The following KIF2B variants were observed in gnomAD, a reference collection of about 807,000 sequenced individuals.
The protein encoded by KIF2B is kinesin-like protein KIF2B.
A neutral mutation model predicts 6.8 loss-of-function variants in KIF2B; 5 were observed. That is an observed-to-expected ratio of 0.74 (90% CI 0.39 to 1.55). The LOEUF is 1.55. Ranked by LOEUF, KIF2B falls within the 40% of genes most tolerant of loss-of-function variation. KIF2B has a pLI of 0.03. For missense variants in KIF2B, 908 were observed against 831.3 expected (o/e 1.09, Z -1.13); for synonymous variants, 370 against 330.7 (o/e 1.12, Z -1.29).
At position 53,825,129 on chromosome 17, in the gene KIF2B, C is replaced by A; in HGVS notation, c.*74C>A. The stretch of plus-strand genomic sequence containing the variant: ...CACCACTCTTATACAGGAAAACTGT[C>A]CAAATTATCTAAAGATCCTCCTGAG... On this transcript the variant is annotated 3_prime_UTR_variant, in exon 1 of 1. Transcript: ENST00000268919. 1.3e-6 allele frequency: 1 copy of A among 772,348 alleles called. No homozygotes were observed. Among genetic ancestry groups the A allele is most frequent in the South Asian group, 1.9e-5 (1 of 52,476 alleles). 47.8% of individuals were successfully genotyped at this position (772,348 alleles called of 1,614,324 possible).
rs1316433940 is a variant in KIF2B at position 53,824,550 on chromosome 17, C to A, written c.1517C>A (p.Ser506Tyr). The change falls in exon 1 of 1, where the codon TCC becomes TAC. Residue 506 changes from serine to tyrosine, a missense_variant. Transcript: ENST00000268919. ...AAACTCACACTGGTGCTCCGGGACT[C>A]CTTTATAGGCCAGAACTCCTCCACT... Reference protein sequence around the residue: ...ASKLTLVLRDSFIGQNSSTCM... With the variant: ...ASKLTLVLRDYFIGQNSSTCM... 3.7e-6 allele frequency: 6 copies of A among 1,614,008 alleles called. No individual in the cohort carries two copies. The African/African-American group carries it at 8.0e-5, about 22-fold the overall frequency.
rs1906440315 is a variant in KIF2B at position 53,823,021 on chromosome 17, T to A, written c.-13T>A. 1 of 1,609,930 alleles carries A rather than the reference T, an allele frequency of 6.2e-7. No homozygotes were observed. Among genetic ancestry groups the A allele is most frequent in the Non-Finnish European group, 8.5e-7 (1 of 1,177,466 alleles). On this transcript the variant is annotated 5_prime_UTR_variant, in exon 1 of 1. Transcript: ENST00000268919. ...GGGCCCTGGAGCGCTCCCTGATACC[T>A]CCATCACTCACCATGGCCAGCCAGT...
rs1161757640 is a variant in KIF2B, at chr17:53,824,513, T to C, written c.1480T>C (p.Phe494Leu). The stretch of plus-strand genomic sequence containing the variant: ...GGGTCAGAACAAGCCTCACACCCCA[T>C]TCAGAGCCAGCAAACTCACACTGGT... ...ALGQNKPHTPFRASKLTLVLR... is the reference protein window; with the variant it reads ...ALGQNKPHTPLRASKLTLVLR... The change falls in exon 1 of 1, where the codon TTC (phenylalanine) becomes CTC (leucine). Residue 494 changes from phenylalanine to leucine, a missense_variant. Coordinates refer to ENST00000268919, the MANE Select transcript of KIF2B (RefSeq NM_032559.5). The C allele has an allele frequency of 6.2e-7, 1 of 1,614,082 alleles. No individual in the cohort carries two copies. The highest frequency in any genetic ancestry group is 1.1e-5 in the South Asian group (1 of 91,058).
chr17:53,824,368 C>T lies in KIF2B; in HGVS notation c.1335C>T (p.Leu445=), dbSNP rs115731857. ...GGATAATGCATGGCAAGTTTTCCCT[C>T]GTTGATTTAGCTGGGAATGAAAGAG... The part of the protein sequence containing the change: ...SGRIMHGKFS[L]VDLAGNERGA... The change falls in exon 1 of 1, where the codon CTC becomes CTT. Residue 445 remains leucine (L), a synonymous_variant. Coordinates refer to ENST00000268919, the MANE Select transcript of KIF2B (RefSeq NM_032559.5). 2,033 of 1,614,084 alleles carry T rather than the reference C, an allele frequency of 1.3e-3. 17 individuals are homozygous for T. In the African/African-American group the frequency reaches 0.022, roughly 18 times the overall value.
In KIF2B at chr17:53,824,300, T is replaced by A; in HGVS notation, c.1267T>A (p.Ser423Thr). ...GCAAACACCTGTCAACGCTCACTCA[T>A]CCAGGAGCCATGCAGTGTTCCAGAT... is the stretch of plus-strand genomic sequence containing the variant. ...SRQTPVNAHS[S>T]RSHAVFQIIL... Residue 423 changes from serine (S) to threonine (T), a missense_variant, in exon 1 of 1, where the codon TCC becomes ACC. Coordinates refer to ENST00000268919, the MANE Select transcript of KIF2B (RefSeq NM_032559.5). 1 of 1,614,024 alleles carries A rather than the reference T, an allele frequency of 6.2e-7. No individual in the cohort carries two copies. Among genetic ancestry groups the A allele is most frequent in the Non-Finnish European group, 8.5e-7 (1 of 1,180,006 alleles).
chr17:53,823,319 T>C lies in KIF2B; in HGVS notation c.286T>C (p.Ser96Pro), dbSNP rs1906453093. 6.2e-7 allele frequency: 1 copy of C among 1,613,998 alleles called. No homozygotes were observed. Among genetic ancestry groups the C allele is most frequent in the Non-Finnish European group, 8.5e-7 (1 of 1,180,000 alleles). ...ACACCCCATGCCGCCCCCGCCCTTA[T>C]CCCCCTTGGCTCTGGCGCCCTCTTC... ...AEHPMPPPPL[S>P]PLALAPSSAI... Residue 96 changes from serine to proline, a missense_variant, in exon 1 of 1, where the codon TCC (serine) becomes CCC (proline). By Grantham distance (74) the Ser-to-Pro change is moderately conservative. Transcript: ENST00000268919.
chr17:53,825,079 C>A lies in KIF2B; in HGVS notation c.*24C>A, dbSNP rs373794348. The A allele has an allele frequency of 6.5e-7, 1 of 1,530,890 alleles. No homozygotes were observed. The highest frequency in any genetic ancestry group is 8.9e-7 in the Non-Finnish European group (1 of 1,123,432). The allele number at this position is 1,530,890 out of a possible 1,614,324, so 94.8% of individuals were successfully genotyped here. A position where few individuals can be genotyped will look rare whatever the true frequency, so the allele number is the denominator to read the frequency against. On this transcript the variant is annotated 3_prime_UTR_variant, in exon 1 of 1. Coordinates refer to ENST00000268919, the MANE Select transcript of KIF2B (RefSeq NM_032559.5). ...GAAGCCAATGGCGAGAGATCAGGTCCGAAATGCTGCATTGCTGCAGTTTCC... is the reference window on the plus strand; with the variant it reads ...GAAGCCAATGGCGAGAGATCAGGTCAGAAATGCTGCATTGCTGCAGTTTCC...
In KIF2B at chr17:53,824,624, C is replaced by G. The variant is rs1376855502; in HGVS notation, c.1591C>G (p.Leu531Val). ...GGGGATGACCTCTTGTGAAAACACT[C>G]TCAACACTTTAAGATATGCAAACAG... ...SPGMTSCENT[L>V]NTLRYANRVK... The change falls in exon 1 of 1, where the codon CTC becomes GTC. Residue 531 changes from leucine to valine, a missense_variant. Transcript: ENST00000268919. 6.2e-7 allele frequency: 1 copy of G among 1,614,106 alleles called. No homozygotes were observed. The highest frequency in any genetic ancestry group is 8.5e-7 in the Non-Finnish European group (1 of 1,180,030).
rs2143783489 is a variant in KIF2B, at chr17:53,824,089, C to G, written c.1056C>G (p.Val352=). 1.2e-6 allele frequency: 2 copies of G among 1,614,194 alleles called. No homozygotes were observed. The highest frequency in any genetic ancestry group is 1.3e-5 in the African/African-American group (1 of 75,046). ...CATATGAGAAGCTGGACCTCAAAGT[C>G]TATGGGACATTTTTTGAGATTTATG... ...NSTYEKLDLK[V]YGTFFEIYGG... The change falls in exon 1 of 1, where the codon GTC becomes GTG. Residue 352 remains valine (V), a synonymous_variant. Coordinates refer to ENST00000268919, the MANE Select transcript of KIF2B (RefSeq NM_032559.5).
Position 53,823,721 on chromosome 17 carries a change from T to G in KIF2B, c.688T>G (p.Leu230Val), listed in dbSNP as rs756894139. The change falls in exon 1 of 1, where the codon TTA (leucine) becomes GTA (valine). Residue 230 changes from leucine to valine, a missense_variant. Coordinates refer to ENST00000268919, the MANE Select transcript of KIF2B (RefSeq NM_032559.5). ...GCCTCTCAACCAGCGAGAGACAACC[T>G]TAAAGGACCTGGATATCATCACCGT... ...KRPLNQRETT[L>V]KDLDIITVPS... 1 of 1,614,148 alleles carries G rather than the reference T, an allele frequency of 6.2e-7. No individual in the cohort carries two copies. Among genetic ancestry groups the G allele is most frequent in the South Asian group, 1.1e-5 (1 of 91,080 alleles).
At position 53,823,964 on chromosome 17, in the gene KIF2B, T is replaced by C. The variant is rs762399466; in HGVS notation, c.931T>C (p.Tyr311His). The C allele has an allele frequency of 5.6e-6, 9 of 1,614,224 alleles. No homozygotes were observed. In the Admixed American group the frequency reaches 1.5e-4, roughly 27 times the overall value. ...TGGGCAGACGGGAAGTGGGAAGACG[T>C]ACACCATGGGTGGAGACTTTTCAGG... ...AYGQTGSGKT[Y>H]TMGGDFSGTA... Residue 311 changes from tyrosine (Y) to histidine (H), a missense_variant, in exon 1 of 1, where the codon TAC becomes CAC. Coordinates refer to ENST00000268919, the MANE Select transcript of KIF2B (RefSeq NM_032559.5).
rs374095045 is a variant in KIF2B at position 53,824,659 on chromosome 17, A to T, written c.1626A>T (p.Lys542Asn). ...NTLRYANRVK[K>N]LNVDVRPYHR... ...TAAGATATGCAAACAGAGTAAAAAAATTAAATGTAGATGTAAGGCCCTACC... is the reference window on the plus strand; with the variant it reads ...TAAGATATGCAAACAGAGTAAAAAATTTAAATGTAGATGTAAGGCCCTACC... The change falls in exon 1 of 1, where the codon AAA becomes AAT. Residue 542 changes from lysine (K) to asparagine (N), a missense_variant. Lys to Asn is a moderately conservative substitution (Grantham distance 94). Coordinates refer to ENST00000268919, the MANE Select transcript of KIF2B (RefSeq NM_032559.5). 4.3e-6 allele frequency: 7 copies of T among 1,614,066 alleles called. No homozygotes were observed. The African/African-American group carries it at 5.3e-5, about 12-fold the overall frequency.
rs762047480 is a variant in KIF2B at position 53,824,501 on chromosome 17, C to A, written c.1468C>A (p.Pro490Thr). The A allele has an allele frequency of 1.3e-5, 21 of 1,613,986 alleles. No individual in the cohort carries two copies. The highest frequency in any genetic ancestry group is 1.8e-5 in the Non-Finnish European group (21 of 1,180,040). The change falls in exon 1 of 1, where the codon CCT becomes ACT. Residue 490 changes from proline to threonine, a missense_variant. Coordinates refer to ENST00000268919, the MANE Select transcript of KIF2B (RefSeq NM_032559.5). ...ECILALGQNK[P>T]HTPFRASKLT... ...TATTCTGGCTTTGGGTCAGAACAAG[C>A]CTCACACCCCATTCAGAGCCAGCAA...
chr17:53,824,199 T>C lies in KIF2B; in HGVS notation c.1166T>C (p.Leu389Pro). Residue 389 changes from leucine to proline, a missense_variant, in exon 1 of 1, where the codon CTG becomes CCG. Physicochemically the swap from Leu to Pro is moderately conservative, Grantham distance 98. Coordinates refer to ENST00000268919, the MANE Select transcript of KIF2B (RefSeq NM_032559.5). ...AATCAGCAAATCCAAGTGGTCGGGC[T>C]GCAGGAGAAAGAGGTGTGTTGTGTG... is the stretch of plus-strand genomic sequence containing the variant. ...DGNQQIQVVG[L>P]QEKEVCCVEE... 6.2e-7 allele frequency: 1 copy of C among 1,614,196 alleles called. No homozygotes were observed. The highest frequency in any genetic ancestry group is 8.5e-7 in the Non-Finnish European group (1 of 1,180,042).
Position 53,823,463 on chromosome 17 carries a change from C to G in KIF2B, c.430C>G (p.Gln144Glu), listed in dbSNP as rs1906461025. Residue 144 changes from glutamine (Q) to glutamate (E), a missense_variant, in exon 1 of 1, where the codon CAG becomes GAG. Physicochemically the swap from Gln to Glu is conservative, Grantham distance 29. Coordinates refer to ENST00000268919, the MANE Select transcript of KIF2B (RefSeq NM_032559.5). ...RVPSKPCLMK[Q>E]KKSPCLWEIQ... is the part of the protein sequence containing the mutation. ...CCCCAGCAAACCTTGTCTGATGAAG[C>G]AGAAAAAGTCTCCCTGCCTCTGGGA... The G allele has an allele frequency of 1.2e-6, 2 of 1,614,102 alleles. No homozygotes were observed. The highest frequency in any genetic ancestry group is 8.5e-7 in the Non-Finnish European group (1 of 1,180,030).
Position 53,823,356 on chromosome 17 carries a change from A to G in KIF2B, c.323A>G (p.Asp108Gly). ...CTGGCGCCCTCTTCGGCCATCAGGG[A>G]CCAGCGTACCGCCACGAAATGGGTT... Reference protein sequence around the residue: ...LALAPSSAIRDQRTATKWVAM... With the variant: ...LALAPSSAIRGQRTATKWVAM... Residue 108 changes from aspartate to glycine, a missense_variant, in exon 1 of 1, where the codon GAC (aspartate) becomes GGC (glycine). Coordinates refer to ENST00000268919, the MANE Select transcript of KIF2B (RefSeq NM_032559.5). 6.2e-7 allele frequency: 1 copy of G among 1,614,054 alleles called. No homozygotes were observed. The highest frequency in any genetic ancestry group is 8.5e-7 in the Non-Finnish European group (1 of 1,180,004).
chr17:53,823,363 T>C lies in KIF2B; in HGVS notation c.330T>C (p.Arg110=), dbSNP rs17654267. Reference sequence around the variant, plus strand: ...CCTCTTCGGCCATCAGGGACCAGCGTACCGCCACGAAATGGGTTGCGATGA... The same window carrying C: ...CCTCTTCGGCCATCAGGGACCAGCGCACCGCCACGAAATGGGTTGCGATGA... ...LAPSSAIRDQ[R]TATKWVAMIP... is the part of the protein sequence containing the mutation. Residue 110 remains arginine (R), a synonymous_variant, in exon 1 of 1, where the codon CGT becomes CGC. Coordinates refer to ENST00000268919, the MANE Select transcript of KIF2B (RefSeq NM_032559.5). The C allele has an allele frequency of 6.2e-7, 1 of 1,614,040 alleles. No homozygotes were observed. Among genetic ancestry groups the C allele is most frequent in the Non-Finnish European group, 8.5e-7 (1 of 1,180,006 alleles).
Position 53,823,655 on chromosome 17 carries a change from C to T in KIF2B, c.622C>T (p.Pro208Ser), listed in dbSNP as rs760532470. ...CAGCAGCAAGATCTCAGTCCTGGAGCCCCCGCAAGAACATCGCATCTGCGT... is the reference window on the plus strand; with the variant it reads ...CAGCAGCAAGATCTCAGTCCTGGAGTCCCCGCAAGAACATCGCATCTGCGT... The part of the protein sequence containing the change: ...LDSSKISVLE[P>S]PQEHRICVCV... The change falls in exon 1 of 1, where the codon CCC becomes TCC. Residue 208 changes from proline to serine, a missense_variant. Coordinates refer to ENST00000268919, the MANE Select transcript of KIF2B (RefSeq NM_032559.5). The T allele has an allele frequency of 8.7e-6, 14 of 1,613,902 alleles. No individual in the cohort carries two copies. Among genetic ancestry groups the T allele is most frequent in the Non-Finnish European group, 1.2e-5 (14 of 1,180,044 alleles).
chr17:53,823,477 C>A lies in KIF2B; in HGVS notation c.444C>A (p.Pro148=), dbSNP rs752661021. 1 of 1,614,158 alleles carries A rather than the reference C, an allele frequency of 6.2e-7. No homozygotes were observed. The highest frequency in any genetic ancestry group is 8.5e-7 in the Non-Finnish European group (1 of 1,180,048). Residue 148 remains proline (P), a synonymous_variant, in exon 1 of 1, where the codon CCC becomes CCA. Coordinates refer to ENST00000268919, the MANE Select transcript of KIF2B (RefSeq NM_032559.5). ...GTCTGATGAAGCAGAAAAAGTCTCC[C>A]TGCCTCTGGGAAATCCAGAAACTGC... ...KPCLMKQKKS[P]CLWEIQKLQE...
Sources: gnomAD v4.1 joint callset for allele counts on GRCh38, gnomAD v4.1.1 for gene constraint, MANE v1.5 for transcripts, NCBI Gene and HGNC (gene_info 2026-07-23, HGNC 2026-07-21) for gene names.